Variants in CREM observed in about 807,000 individuals in gnomAD.
CREM encodes cAMP responsive element modulator.
In CREM, 13 loss-of-function variants were observed where a neutral mutation model predicts 37.3. The observed-to-expected ratio is 0.35, with a 90% confidence interval of 0.23 to 0.55. The LOEUF is 0.55. CREM is among the 20% of genes least tolerant of loss of function. The pLI, the probability that CREM is intolerant of heterozygous loss-of-function variation, is 0.88. For missense variants in CREM, 296 were observed against 362.3 expected (o/e 0.82, Z 1.49); for synonymous variants, 124 against 120.2 (o/e 1.03, Z -0.21).
chr10:35,206,823 C>T, intron 6 of CREM, 72 bp from the exon 7 acceptor site: 1 of 1,390,308 alleles, frequency 7.2e-7, no homozygotes, highest in Middle Eastern at 2.4e-4. Context: ...ATATCATTTC[C>T]AGATCAGTTT....
chr10:35,210,383 T>C (rs1297467740), intron 7 of CREM: 1 of 152,246 alleles, frequency 6.6e-6, no homozygotes, highest in Admixed American at 6.5e-5. Context: ...TGGGGTTATG[T>C]ATGAAAATGA....
chr10:35,176,766 C>T (rs1485182048), intron 3 of CREM, among the ~76,000 whole-genome samples: 3 of 152,068 alleles, frequency 2.0e-5, no homozygotes, highest in Admixed American at 2.0e-4. Context: ...AATTTATAAT[C>T]ACCTTAGTAG....
At chr10:35,197,058 C>T (rs2095214209) in intron 6 of CREM, among the ~76,000 whole-genome samples, 1 of 151,896 alleles carries the variant, frequency 6.6e-6, no homozygotes, top group Admixed American at 6.6e-5. Context: ...GGGGTTTCAC[C>T]GTGTTAGCCA....
At chr10:35,149,212 A>G (rs971011645) in intron 3 of CREM, among the ~76,000 whole-genome samples, 1 of 152,176 alleles carries the variant, frequency 6.6e-6, no homozygotes, top group East Asian at 1.9e-4. Context: ...GGAGTGCTTT[A>G]TATATCTCCT....
At chr10:35,165,383 C>T (rs1245956458) in intron 3 of CREM, among the ~76,000 whole-genome samples, 1 of 152,160 alleles carries the variant, frequency 6.6e-6, no homozygotes, top group East Asian at 1.9e-4. Flanking sequence ...CAAGGCCCCA[C>T]CTCCAACATT....
At chr10:35,167,511 C>T (rs2093611124) in intron 3 of CREM, 1 of 553,406 alleles carries the variant, frequency 1.8e-6, no homozygotes, top group Non-Finnish European at 3.2e-6. Context: ...TATACTATGA[C>T]ATCATAAACC....
intron 5 of CREM, among the ~76,000 whole-genome samples, chr10:35,180,337 G>GA (rs201187164): frequency 9.8e-4 from 148 of 150,772 alleles, no homozygotes; most frequent in African/African-American, 1.0e-3. Flanking sequence ...GCAATACCAA[G>GA]AAAAAAAAAC....
chr10:35,173,944 T>C (rs1037068327), intron 3 of CREM, among the ~76,000 whole-genome samples: 2 of 152,216 alleles, frequency 1.3e-5, no homozygotes, highest in African/African-American at 2.4e-5. Context: ...AGTTAGTCAC[T>C]ATAGAGGTGT....
In CREM at chr10:35,194,742, T is replaced by TG. The variant is rs1491537985; in HGVS notation, c.598+6354_598+6355insG. Among the ~76,000 whole-genome samples the TG allele has an allele frequency of 9.5e-5, 6 of 62,976 alleles. No individual in the cohort carries two copies. The East Asian group carries it at 1.7e-3, about 18-fold the overall frequency. 41.3% of individuals were successfully genotyped at this position (62,976 alleles called of 152,430 possible). A position where few individuals can be genotyped will look rare whatever the true frequency, so the allele number is the denominator to read the frequency against. ...TATTTCTTTGCTGATAGTCAATGTG[T>TG]TTTTTTTTTTTTTAAATCTCCAAGT... On this transcript the variant is annotated intron_variant, in intron 6 of 7. Coordinates refer to ENST00000685392, the MANE Select transcript of CREM (RefSeq NM_183011.2).
intron 2 of CREM, among the ~76,000 whole-genome samples, chr10:35,138,852 G>A (rs1461166254): frequency 6.6e-6 from 1 of 151,526 alleles, no homozygotes; most frequent in East Asian, 1.9e-4. Context: ...AAAGAGAAAA[G>A]GGAAGAAGAC....
At chr10:35,165,074 A>AAAT (rs1554902039) in intron 3 of CREM, among the ~76,000 whole-genome samples, 10 of 141,926 alleles carry the variant, frequency 7.0e-5, no homozygotes, top group South Asian at 2.2e-4. Flanking sequence ...AAAAAAAAAA[A>AAAT]AAAAGAAAAG....
chr10:35,175,932 A>G (rs1167329606), intron 3 of CREM: 45 of 1,551,630 alleles, frequency 2.9e-5, no homozygotes, highest in Non-Finnish European at 3.7e-5. Flanking sequence ...CAAACTATAC[A>G]TGTCCAGGGA....
At position 35,202,893 on chromosome 10, in the gene CREM, C is replaced by T. The variant is rs547197294; in HGVS notation, c.599-4002C>T. Among the ~76,000 whole-genome samples, 5 of 152,242 alleles carry T rather than the reference C, an allele frequency of 3.3e-5. No individual in the cohort carries two copies. In the East Asian group the frequency reaches 9.7e-4, roughly 29 times the overall value. ...TGGTATTTTTTTCTGAGCTATCGCTCAAAATGTTTTTAAGAATTCTTATTT... is the reference window on the plus strand; with the variant it reads ...TGGTATTTTTTTCTGAGCTATCGCTTAAAATGTTTTTAAGAATTCTTATTT... On this transcript the variant is annotated intron_variant, in intron 6 of 7. Coordinates refer to ENST00000685392, the MANE Select transcript of CREM (RefSeq NM_183011.2).
chr10:35,175,815 G>T (rs1589933212), intron 3 of CREM: 4 of 1,610,080 alleles, frequency 2.5e-6, no homozygotes, highest in Non-Finnish European at 2.5e-6. Flanking sequence ...TAACAAAAAA[G>T]GTCCAGCTTT....
At chr10:35,196,519 A>G (rs2095173050) in intron 6 of CREM, 1 of 164,592 alleles carries the variant, frequency 6.1e-6, no homozygotes, top group African/African-American at 2.4e-5. Flanking sequence ...CTTTGTGGAT[A>G]GGAACATTGG....
intron 3 of CREM, among the ~76,000 whole-genome samples, chr10:35,175,052 T>TA (rs2093987022): frequency 6.6e-6 from 1 of 152,214 alleles, no homozygotes; most frequent in Non-Finnish European, 1.5e-5. Context: ...TTTTAGTTAT[T>TA]ATGAGGGCAT....
At chr10:35,189,183 T>G (rs28711067) in intron 6 of CREM, among the ~76,000 whole-genome samples, 4,504 of 148,278 alleles carry the variant, frequency 0.03, 228 homozygotes, top group African/African-American at 0.1. Flanking sequence ...TTTTGTTTTT[T>G]TTTGTTTGTT....
intron 3 of CREM, among the ~76,000 whole-genome samples, chr10:35,178,552 T>C (rs1207912881): frequency 6.6e-6 from 1 of 152,170 alleles, no homozygotes; most frequent in East Asian, 1.9e-4. Context: ...TAGGAGCACT[T>C]TCAGGTTGAG....
Position 35,166,334 on chromosome 10 carries a change from G to A in CREM, c.169-12555G>A, listed in dbSNP as rs141463501. 1.2e-3 allele frequency among the ~76,000 whole-genome samples: 178 copies of A among 152,106 alleles called. 1 individual carries two copies. The highest frequency in any genetic ancestry group is 4.0e-3 in the African/African-American group (165 of 41,506). ...TCTCAGCACTTTGGGAGGCCAAGGC[G>A]GGTAGATTACCTGAGGCCAGGAGTC... On this transcript the variant is annotated intron_variant, in intron 3 of 7. Coordinates refer to ENST00000685392, the MANE Select transcript of CREM (RefSeq NM_183011.2).
Sources: gnomAD v4.1 joint callset for allele counts (sites outside exome capture counted in the v4.1 genomes callset) on GRCh38, gnomAD v4.1.1 for gene constraint, MANE v1.5 for transcripts, NCBI Gene and HGNC (gene_info 2026-07-23, HGNC 2026-07-21) for gene names.